PAX5: variants seen among roughly 807,000 people sequenced by gnomAD.
PAX5 encodes paired box 5, also known as paired box protein Pax-5.
Under a neutral mutation model 43.7 loss-of-function variants are expected in PAX5, and 9 were observed. That is an observed-to-expected ratio of 0.21 (90% confidence interval 0.12 to 0.36). The LOEUF is 0.36. PAX5 is among the 10% of genes least tolerant of loss of function. The probability of loss-of-function intolerance (pLI) is 1.00; values close to 1 mark genes in which losing one functional copy is unlikely to be tolerated. For missense variants in PAX5, 383 were observed against 532.7 expected (o/e 0.72, Z 2.77); for synonymous variants, 228 against 214.3 (o/e 1.06, Z -0.56).
intron 4 of PAX5, 139 bp from the exon 5 acceptor site, chr9:37,002,915 G>C: frequency 9.4e-7 from 1 of 1,067,430 alleles, no homozygotes; most frequent in Non-Finnish European, 1.3e-6. Context: ...CTCGCTCTGC[G>C]GAGGCGGCCA....
chr9:37,016,700 AT>A (rs1282931234), intron 2 of PAX5, among the ~76,000 whole-genome samples: 1 of 152,206 alleles, frequency 6.6e-6, no homozygotes, highest in African/African-American at 2.4e-5. Context: ...CCAAAAAGAC[AT>A]TTTTTAAATG....
chr9:36,945,959 A>G (rs997342499), intron 6 of PAX5, among the ~76,000 whole-genome samples: 1 of 152,226 alleles, frequency 6.6e-6, no homozygotes, highest in African/African-American at 2.4e-5. Flanking sequence ...CAGCATGGTC[A>G]GGGGCTAGAA....
At chr9:36,914,033 G>A (rs1829532178) in intron 7 of PAX5, among the ~76,000 whole-genome samples, 1 of 152,176 alleles carries the variant, frequency 6.6e-6, no homozygotes, top group Non-Finnish European at 1.5e-5. Context: ...TCTCAATGGG[G>A]TGGGTAACTG....
At position 36,995,683 on chromosome 9, in the gene PAX5, G is replaced by A. The variant is rs114356678; in HGVS notation, c.604+6965C>T. Among the ~76,000 whole-genome samples the A allele has an allele frequency of 9.8e-3, 1,485 of 152,270 alleles. 18 individuals carry two copies. The highest frequency in any genetic ancestry group is 0.034 in the African/African-American group (1,402 of 41,534). On this transcript the variant is annotated intron_variant, in intron 5 of 9. Transcript: ENST00000358127. ...TTTTGCTGTGTGATCTGGGCAGACCGCCTCTCTTCTCTGAGCCTGTTTTCC... is the reference window on the plus strand; with the variant it reads ...TTTTGCTGTGTGATCTGGGCAGACCACCTCTCTTCTCTGAGCCTGTTTTCC...
intron 6 of PAX5, among the ~76,000 whole-genome samples, chr9:36,965,341 G>A (rs890812088): frequency 1.3e-5 from 2 of 152,214 alleles, no homozygotes; most frequent in Non-Finnish European, 2.9e-5. Context: ...CTTGCACAAA[G>A]TAAACACTCA....
chr9:36,880,204 C>T (rs913809773), intron 8 of PAX5, among the ~76,000 whole-genome samples: 3 of 152,258 alleles, frequency 2.0e-5, no homozygotes, highest in African/African-American at 4.8e-5. Flanking sequence ...AGCTAAGATC[C>T]GTCCTGCTGA....
At chr9:36,843,058 CAG>C (rs745461833) in intron 9 of PAX5, among the ~76,000 whole-genome samples, 10 of 150,896 alleles carry the variant, frequency 6.6e-5, no homozygotes, top group South Asian at 4.2e-4. Context: ...GTGAGTGTAT[CAG>C]TGTGTGAGCG....
intron 5 of PAX5, among the ~76,000 whole-genome samples, chr9:36,977,632 G>A (rs1835555102): frequency 6.6e-6 from 1 of 152,156 alleles, no homozygotes; most frequent in African/African-American, 2.4e-5. Context: ...CCAGGTTCAA[G>A]CGATTCTCCT....
chr9:36,972,748 C>A (rs951279621), intron 5 of PAX5, among the ~76,000 whole-genome samples: 6 of 152,192 alleles, frequency 3.9e-5, no homozygotes. Context: ...TGAAAATAGG[C>A]TGGGCACGGT....
Position 36,836,219 on chromosome 9 carries a change from C to G in PAX5, c.*4341G>C, listed in dbSNP as rs1564288567. On this transcript the variant is annotated 3_prime_UTR_variant, in exon 10 of 10. Transcript: ENST00000358127. The stretch of plus-strand genomic sequence containing the variant: ...CTGAAAACCCAGCAGCTCCCCAATC[C>G]CGTCCCCAGCGCCTCTGACCTTCCA... 1 of 233,632 alleles carries G rather than the reference C, an allele frequency of 4.3e-6. No homozygotes were observed. The highest frequency in any genetic ancestry group is 1.8e-4 in the South Asian group (1 of 5,536). The allele number at this position is 233,632 out of a possible 1,614,324, so 14.5% of individuals were successfully genotyped here. A position where few individuals can be genotyped will look rare whatever the true frequency, so the allele number is the denominator to read the frequency against.
intron 8 of PAX5, among the ~76,000 whole-genome samples, chr9:36,864,032 C>A (rs1468290557): frequency 6.6e-6 from 1 of 152,188 alleles, no homozygotes; most frequent in Non-Finnish European, 1.5e-5. Flanking sequence ...TTGCTTGAAC[C>A]CACGAGGCAG....
intron 1 of PAX5, among the ~76,000 whole-genome samples, chr9:37,031,753 C>T (rs1377922583): frequency 2.6e-5 from 4 of 152,164 alleles, no homozygotes; most frequent in South Asian, 4.1e-4. Flanking sequence ...TAAGTGGCTC[C>T]CTGCTTAGTG....
rs1409365360 is a variant in PAX5 at position 36,837,114 on chromosome 9, TA to T, written c.*3445del. On this transcript the variant is annotated 3_prime_UTR_variant, in exon 10 of 10. Transcript: ENST00000358127. ...GGGAATGGGGGTGGGGGAGTGTCTT[TA>T]AGCCATACACTCCCATGACAGGAGC... The T allele has an allele frequency of 4.3e-6, 1 of 232,990 alleles. No individual in the cohort carries two copies. Among genetic ancestry groups the T allele is most frequent in the Non-Finnish European group, 8.5e-6 (1 of 117,994 alleles). 14.4% of individuals were successfully genotyped at this position (232,990 alleles called of 1,614,324 possible).
rs2131764908 is a variant in PAX5, at chr9:36,882,143, T to A, written c.911-38A>T. On this transcript the variant is annotated intron_variant, in intron 7 of 9. Coordinates refer to ENST00000358127, the MANE Select transcript of PAX5 (RefSeq NM_016734.3). This position sits in a 1 kb window ranked among gnomAD's most constrained non-coding sequence, Gnocchi z 4.4. ...AGCAACAAATCACAGGGTGAGCATC[T>A]TCGCGGCCAGCCGCTCATGTCCACA... The A allele has an allele frequency of 1.3e-6, 2 of 1,508,776 alleles. No individual in the cohort carries two copies. The highest frequency in any genetic ancestry group is 2.5e-5 in the South Asian group (2 of 79,810). The allele number at this position is 1,508,776 out of a possible 1,614,324, so 93.5% of individuals were successfully genotyped here. A position where few individuals can be genotyped will look rare whatever the true frequency, so the allele number is the denominator to read the frequency against.
intron 6 of PAX5, among the ~76,000 whole-genome samples, chr9:36,944,091 G>A (rs532677360): frequency 6.6e-6 from 1 of 152,260 alleles, no homozygotes; most frequent in Non-Finnish European, 1.5e-5. Context: ...GGCTGACGCA[G>A]GAAGATTGCT....
At chr9:36,949,423 A>T (rs911145856) in intron 6 of PAX5, among the ~76,000 whole-genome samples, 2 of 81,178 alleles carry the variant, frequency 2.5e-5, no homozygotes, top group East Asian at 5.7e-4. Flanking sequence ...GCAGTGGTAA[A>T]GCCAAGTAGA....
intron 7 of PAX5, among the ~76,000 whole-genome samples, chr9:36,895,981 G>A (rs929595246): frequency 3.3e-5 from 5 of 152,102 alleles, no homozygotes; most frequent in East Asian, 1.9e-4. Flanking sequence ...AGAAAACCCC[G>A]CACTTCCTCA....
intron 6 of PAX5, among the ~76,000 whole-genome samples, chr9:36,946,244 A>G (rs1424968729): frequency 6.6e-6 from 1 of 152,206 alleles, no homozygotes; most frequent in Admixed American, 6.5e-5. Context: ...GCCATGGCCC[A>G]GCTGCCCCTG....
intron 4 of PAX5, 85 bp downstream of exon 4, chr9:37,006,388 T>C: frequency 2.0e-6 from 2 of 1,009,964 alleles, no homozygotes; most frequent in Non-Finnish European, 1.6e-6. Context: ...TATGCAGAAT[T>C]ATCTGTCCAT....
Sources: gnomAD v4.1 joint callset for allele counts (sites outside exome capture counted in the v4.1 genomes callset) on GRCh38, gnomAD v4.1.1 for gene constraint, Gnocchi (gnomAD v3.1) non-coding constraint, MANE v1.5 for transcripts, NCBI Gene and HGNC (gene_info 2026-07-23, HGNC 2026-07-21) for gene names.